Variants in NR3C2 observed in about 807,000 individuals in gnomAD.
NR3C2 encodes mineralocorticoid receptor.
Under a neutral mutation model 86.4 loss-of-function variants are expected in NR3C2, and 15 were observed. The observed-to-expected ratio is 0.17, with a 90% CI of 0.12 to 0.27. The LOEUF is 0.27. Ranked by LOEUF, NR3C2 falls within the 10% of genes least tolerant of loss-of-function variation. The pLI is 1.00. For missense variants in NR3C2, 960 were observed against 1,195.6 expected, an observed-to-expected ratio of 0.80 and a Z score of 2.91; for synonymous variants, 458 against 450.5, an observed-to-expected ratio of 1.02 and a Z score of -0.21.
chr4:148,206,674 A>G (rs1191365826), intron 3 of NR3C2, among the ~76,000 whole-genome samples: 2 of 152,194 alleles, frequency 1.3e-5, no homozygotes, highest in East Asian at 1.9e-4. Flanking sequence ...TTAGAATCTG[A>G]TAAGAGAGTG....
At chr4:148,237,671 G>T (rs970057378) in intron 3 of NR3C2, among the ~76,000 whole-genome samples, 7 of 143,608 alleles carry the variant, frequency 4.9e-5, no homozygotes, top group South Asian at 4.4e-4. Flanking sequence ...AACAAAATGG[G>T]TTTTTTTTTT....
At chr4:148,208,463 C>G (rs749995772) in intron 3 of NR3C2, 1 of 152,226 alleles carries the variant, frequency 6.6e-6, no homozygotes, top group Non-Finnish European at 1.5e-5. Flanking sequence ...GTGCCTCATT[C>G]CCCTGTGTCC....
chr4:148,201,294 G>A (rs112000549), intron 3 of NR3C2, among the ~76,000 whole-genome samples: 13 of 152,260 alleles, frequency 8.5e-5, no homozygotes, highest in African/African-American at 3.1e-4. Context: ...GAGGGGAGAT[G>A]GGCAGGCCAG....
intron 2 of NR3C2, among the ~76,000 whole-genome samples, chr4:148,332,350 T>TA: frequency 6.6e-6 from 1 of 152,338 alleles, no homozygotes; most frequent in African/African-American, 2.4e-5. Context: ...TTCAATCTTT[T>TA]AGGAGGACAT....
chr4:148,202,181 C>T (rs948495953), intron 3 of NR3C2, among the ~76,000 whole-genome samples: 23 of 152,298 alleles, frequency 1.5e-4, no homozygotes, highest in African/African-American at 5.5e-4. Flanking sequence ...TGCTCCTGCC[C>T]CAGTACCCAG....
chr4:148,109,330 G>A (rs1308898289), intron 8 of NR3C2, among the ~76,000 whole-genome samples: 1 of 152,148 alleles, frequency 6.6e-6, no homozygotes, highest in Non-Finnish European at 1.5e-5. Context: ...TGCCCTGTCT[G>A]GGGGTGTCTC....
rs772448476 is a variant in NR3C2, at chr4:148,078,954, GCAGA to G, written c.*2386_*2389del. 15 of 152,554 alleles carry G rather than the reference GCAGA, an allele frequency of 9.8e-5. No individual in the cohort carries two copies. The highest frequency in any genetic ancestry group is 2.1e-4 in the Non-Finnish European group (14 of 68,028). The allele number at this position is 152,554 out of a possible 1,614,324, so 9.5% of individuals were successfully genotyped here. A position where few individuals can be genotyped will look rare whatever the true frequency, so the allele number is the denominator to read the frequency against. ...AGAGCAATATGGTACAAAAATAAGA[GCAGA>G]CAGACAATTTGGACTGGGACAGGCA... On this transcript the variant is annotated 3_prime_UTR_variant, in exon 9 of 9. Coordinates refer to ENST00000358102, the MANE Select transcript of NR3C2 (RefSeq NM_000901.5).
chr4:148,357,054 A>C (rs1745583698), intron 2 of NR3C2, among the ~76,000 whole-genome samples: 1 of 152,136 alleles, frequency 6.6e-6, no homozygotes, highest in Non-Finnish European at 1.5e-5. Context: ...ATATAGGTTG[A>C]ACATTCTGAA....
intron 2 of NR3C2, among the ~76,000 whole-genome samples, chr4:148,269,807 GTACTT>G (rs1184934231): frequency 2.6e-5 from 4 of 152,184 alleles, no homozygotes; most frequent in Non-Finnish European, 5.9e-5. Context: ...CTGTAGATCA[GTACTT>G]TACAACATAT....
chr4:148,242,715 T>G (rs9997090), intron 3 of NR3C2, among the ~76,000 whole-genome samples: 61,566 of 152,036 alleles, frequency 0.4, 12,645 homozygotes, highest in Admixed American at 0.49. Context: ...CTAAAAACTG[T>G]TTAACCAATG....
At chr4:148,373,219 C>T (rs767642628) in intron 2 of NR3C2, among the ~76,000 whole-genome samples, 5 of 152,182 alleles carry the variant, frequency 3.3e-5, no homozygotes, top group Admixed American at 2.6e-4. Context: ...TCTCTCTCCC[C>T]GCCTTCTCCC....
intron 4 of NR3C2, among the ~76,000 whole-genome samples, chr4:148,165,236 T>C (rs1452985596): frequency 1.3e-5 from 2 of 152,228 alleles, no homozygotes; most frequent in Non-Finnish European, 2.9e-5. Context: ...GTTGCTACTT[T>C]AGTGCAGTGG....
At chr4:148,335,348 C>T (rs1056433570) in intron 2 of NR3C2, among the ~76,000 whole-genome samples, 5 of 151,978 alleles carry the variant, frequency 3.3e-5, no homozygotes, top group South Asian at 2.1e-4. Flanking sequence ...TAGATGATTG[C>T]GAAAGAACTG....
chr4:148,296,703 G>A (rs751002894), intron 2 of NR3C2, among the ~76,000 whole-genome samples: 25 of 152,062 alleles, frequency 1.6e-4, no homozygotes, highest in Non-Finnish European at 3.2e-4. Context: ...AGCAACAAAT[G>A]ACCAGCAGAA....
rs1330196528 is a variant in NR3C2 at position 148,079,161 on chromosome 4, G to A, written c.*2183C>T. ...AAAAACTAAGTCTGAACTAAAAGCT[G>A]CTTTTGTAAGTAAGCCATTTGTTTG... On this transcript the variant is annotated 3_prime_UTR_variant, in exon 9 of 9. Coordinates refer to ENST00000358102, the MANE Select transcript of NR3C2 (RefSeq NM_000901.5). 1 of 152,246 alleles carries A rather than the reference G, an allele frequency of 6.6e-6. No homozygotes were observed. The highest frequency in any genetic ancestry group is 2.4e-5 in the African/African-American group (1 of 41,418). 9.4% of individuals were successfully genotyped at this position (152,246 alleles called of 1,614,324 possible).
chr4:148,437,079 A>G (rs1320960411), intron 1 of NR3C2, among the ~76,000 whole-genome samples: 1 of 152,252 alleles, frequency 6.6e-6, no homozygotes, highest in East Asian at 1.9e-4. Context: ...CGATCATATA[A>G]AACTGTTTTG....
rs777331974 is a variant in NR3C2, at chr4:148,435,321, C to G, written c.1540G>C (p.Val514Leu). Residue 514 changes from valine to leucine, a missense_variant, in exon 2 of 9, where the codon GTT becomes CTT. Around this residue, in one of 4 missense-constraint regions of NR3C2, gnomAD observed 680 missense variants for 719.0 expected, o/e 0.95. Coordinates refer to ENST00000358102, the MANE Select transcript of NR3C2 (RefSeq NM_000901.5). ...PEASIPSSAIVGVNSGGQSFH... is the reference protein window; with the variant it reads ...PEASIPSSAILGVNSGGQSFH... ...GACTGTCCACCTGAATTCACCCCAA[C>G]AATAGCAGAGGAAGGGATGCTGGCC... The G allele has an allele frequency of 6.2e-7, 1 of 1,614,198 alleles. No individual in the cohort carries two copies. The highest frequency in any genetic ancestry group is 8.5e-7 in the Non-Finnish European group (1 of 1,180,032).
At chr4:148,445,253 G>C (rs1750522324), upstream of NR3C2, among the ~76,000 whole-genome samples, 2 of 151,920 alleles carry the variant, frequency 1.3e-5, no homozygotes, top group Non-Finnish European at 2.9e-5. Context: ...CGAGGGCTGG[G>C]GACCTCGCGC....
intron 2 of NR3C2, among the ~76,000 whole-genome samples, chr4:148,396,513 G>C (rs563391679): frequency 2.2e-4 from 33 of 152,234 alleles, no homozygotes; most frequent in African/African-American, 7.5e-4. Flanking sequence ...AATTGCAAAA[G>C]CAATAAATAT....
Sources: allele counts gnomAD v4.1 joint callset (sites outside exome capture counted in the v4.1 genomes callset), GRCh38; gene constraint gnomAD v4.1.1; regional missense constraint gnomAD v4.1.1; transcripts MANE v1.5; gene names NCBI Gene and HGNC (gene_info 2026-07-23, HGNC 2026-07-21).